Variants in CHD6 observed in about 807,000 individuals in gnomAD.
The protein encoded by CHD6 is chromodomain helicase DNA binding protein 6.
In CHD6, 50 loss-of-function variants were observed where a neutral mutation model predicts 276.9. That is an observed-to-expected ratio of 0.18 (90% confidence interval 0.14 to 0.23). The LOEUF (loss-of-function observed/expected upper bound fraction) is 0.23. CHD6 is among the 10% of genes least tolerant of loss of function. The probability of loss-of-function intolerance (pLI) is 1.00; values close to 1 mark genes in which losing one functional copy is unlikely to be tolerated. For synonymous variants in CHD6, 1,173 were observed against 1,229.3 expected (o/e 0.95, Z 0.96); for missense variants, 2,564 against 3,365.8 (o/e 0.76, Z 5.89).
At chr20:41,602,161 A>T (rs564031034) in intron 1 of CHD6, among the ~76,000 whole-genome samples, 2 of 152,332 alleles carry the variant, frequency 1.3e-5, no homozygotes, top group East Asian at 1.9e-4. Context: ...TCAAATACCC[A>T]TGTCCCTACA....
intron 16 of CHD6, among the ~76,000 whole-genome samples, chr20:41,477,198 G>A (rs1250770618): frequency 1.3e-5 from 2 of 152,036 alleles, no homozygotes; most frequent in Admixed American, 6.6e-5. Context: ...CTATGATCAC[G>A]CCACTGCCCT....
At chr20:41,547,936 G>A (rs2045074703) in intron 2 of CHD6, 2 of 263,324 alleles carry the variant, frequency 7.6e-6, no homozygotes, top group Non-Finnish European at 1.5e-5. Flanking sequence ...GAAGCACAAA[G>A]GAAAAATTTC....
At chr20:41,447,799 C>T (rs2145639654) in intron 24 of CHD6, 83 bp downstream of exon 24, 1 of 959,788 alleles carries the variant, frequency 1.0e-6, no homozygotes, top group Non-Finnish European at 1.6e-6. Context: ...CCTCTTTAAG[C>T]ACAGGCAAGT....
At chr20:41,591,267 G>A (rs555943596) in intron 1 of CHD6, among the ~76,000 whole-genome samples, 20 of 150,834 alleles carry the variant, frequency 1.3e-4, no homozygotes, top group African/African-American at 4.4e-4. Flanking sequence ...TGTAAATGAC[G>A]AGTTAATGGG....
At chr20:41,443,923 T>C (rs1224788444) in intron 25 of CHD6, among the ~76,000 whole-genome samples, 1 of 152,168 alleles carries the variant, frequency 6.6e-6, no homozygotes, top group African/African-American at 2.4e-5. Flanking sequence ...TGTATGTCTA[T>C]GGTGGGTGTG....
intron 14 of CHD6, among the ~76,000 whole-genome samples, chr20:41,487,408 G>A (rs1407983653): frequency 6.6e-6 from 1 of 152,122 alleles, no homozygotes; most frequent in Non-Finnish European, 1.5e-5. Context: ...AAGCAAGGAG[G>A]CCCGATACAC....
At chr20:41,601,581 G>A (rs933279045) in intron 1 of CHD6, among the ~76,000 whole-genome samples, 3 of 152,186 alleles carry the variant, frequency 2.0e-5, no homozygotes, top group Non-Finnish European at 4.4e-5. Flanking sequence ...TGAAGCTATG[G>A]TATAGCAGAT....
At chr20:41,467,262 C>A (rs769020297) in intron 17 of CHD6, among the ~76,000 whole-genome samples, 3 of 151,972 alleles carry the variant, frequency 2.0e-5, no homozygotes, top group Non-Finnish European at 2.9e-5. Flanking sequence ...AATCTCAAAC[C>A]ATTCTTTATT....
intron 1 of CHD6, among the ~76,000 whole-genome samples, chr20:41,587,983 G>A (rs146659685): frequency 6.4e-4 from 98 of 152,194 alleles, no homozygotes; most frequent in African/African-American, 2.2e-3. Context: ...GAGGGACCTT[G>A]GGCATGGAAA....
chr20:41,463,156 T>C (rs1386672696), intron 17 of CHD6, among the ~76,000 whole-genome samples: 1 of 151,914 alleles, frequency 6.6e-6, no homozygotes, highest in African/African-American at 2.4e-5. Flanking sequence ...AGATTATAAC[T>C]CACTAAATAA....
Position 41,412,226 on chromosome 20 carries a change from C to T in CHD6, c.7169G>A (p.Cys2390Tyr). 1 of 1,614,204 alleles carries T rather than the reference C, an allele frequency of 6.2e-7. No individual in the cohort carries two copies. Among genetic ancestry groups the T allele is most frequent in the East Asian group, 2.2e-5 (1 of 44,886 alleles). The change falls in exon 36 of 37, where the codon TGT becomes TAT. Residue 2390 changes from cysteine to tyrosine, a missense_variant. Cys to Tyr is a radical substitution (Grantham distance 194, BLOSUM62 -2). Coordinates refer to ENST00000373233, the MANE Select transcript of CHD6 (RefSeq NM_032221.5). ...SDKPKQRRPR[C>Y]KEPGKLDVSS... Reference sequence around the variant, plus strand: ...GACATCTAATTTTCCAGGTTCTTTACAGCGTGGCCTCCTCTGCTTTGGTTT... The same window carrying T: ...GACATCTAATTTTCCAGGTTCTTTATAGCGTGGCCTCCTCTGCTTTGGTTT...
rs772447471 is a variant in CHD6, at chr20:41,533,462, T to C, written c.142A>G (p.Ile48Val). The C allele has an allele frequency of 3.1e-6, 5 of 1,614,172 alleles. No homozygotes were observed. The highest frequency in any genetic ancestry group is 3.3e-5 in the Admixed American group (2 of 60,024). Residue 48 changes from isoleucine (I) to valine (V), a missense_variant, in exon 3 of 37, where the codon ATT becomes GTT. Physicochemically the swap from Ile to Val is conservative, Grantham distance 29 (BLOSUM62 3). Coordinates refer to ENST00000373233, the MANE Select transcript of CHD6 (RefSeq NM_032221.5). ...FDCSTDQEEK[I>V]EDVASHCLPQ... ...AGACAGTGACTAGCAACATCTTCAA[T>C]TTTCTCTTCTTGATCAGTGCTGCAG...
At chr20:41,423,841 T>A in intron 29 of CHD6, 141 bp from the exon 30 acceptor site, 1 of 653,352 alleles carries the variant, frequency 1.5e-6, no homozygotes, top group Non-Finnish European at 2.6e-6. Flanking sequence ...TATTTTTATT[T>A]AAGTTAAACT....
At chr20:41,407,779 G>C (rs776716259) in intron 36 of CHD6, among the ~76,000 whole-genome samples, 33 of 152,230 alleles carry the variant, frequency 2.2e-4, no homozygotes, top group Non-Finnish European at 3.8e-4. Flanking sequence ...ACGGCTGTCA[G>C]AGGCAGCAGG....
chr20:41,483,618 GGTCCTAGACCAGCA>G, intron 15 of CHD6, 99 bp from the exon 16 acceptor site: 2 of 885,174 alleles, frequency 2.3e-6, no homozygotes, highest in Non-Finnish European at 1.7e-6. Context: ...TGAATTCTTA[GGTCCTAGACCAGCA>G]GTCCAGTGAG....
At chr20:41,407,248 G>A (rs992691779) in intron 36 of CHD6, among the ~76,000 whole-genome samples, 1 of 152,188 alleles carries the variant, frequency 6.6e-6, no homozygotes, top group Non-Finnish European at 1.5e-5. Flanking sequence ...GGGTGGGGAT[G>A]TGACAAGCAG....
intron 3 of CHD6, among the ~76,000 whole-genome samples, chr20:41,532,439 C>T (rs1162766261): frequency 6.6e-6 from 1 of 152,154 alleles, no homozygotes; most frequent in Non-Finnish European, 1.5e-5. Flanking sequence ...ACTGTGCATC[C>T]TCCTCATAGC....
chr20:41,404,593 CT>C lies in CHD6; in HGVS notation c.8147del (p.Ter2716=). The part of the protein sequence containing the change: ...ALKDSNNDTN[*>X] ...AATAATTTCTTAAATGAAAAAAGTT[CT>C]AATTGGTGTCGTTGTTGGAGTCTTT... On this transcript the variant is annotated frameshift_variant and stop_lost, in exon 37 of 37. Transcript: ENST00000373233. LOFTEE classifies it high-confidence loss of function. 2 of 1,472,906 alleles carry C rather than the reference CT, an allele frequency of 1.4e-6. No individual in the cohort carries two copies. The highest frequency in any genetic ancestry group is 1.8e-6 in the Non-Finnish European group (2 of 1,109,550). The allele number at this position is 1,472,906 out of a possible 1,614,324, so 91.2% of individuals were successfully genotyped here.
intron 2 of CHD6, chr20:41,547,388 G>A: frequency 4.3e-6 from 1 of 230,018 alleles, no homozygotes; most frequent in South Asian, 6.9e-5. Flanking sequence ...CAGTCGTCCT[G>A]AATCGGATTC....
Sources: gnomAD v4.1 joint callset for allele counts (sites outside exome capture counted in the v4.1 genomes callset) on GRCh38, gnomAD v4.1.1 for gene constraint, MANE v1.5 for transcripts, NCBI Gene and HGNC (gene_info 2026-07-23, HGNC 2026-07-21) for gene names.